Variants in CDH23 observed in about 807,000 individuals in gnomAD.
CDH23 encodes cadherin-23.
Under a neutral mutation model 317.1 loss-of-function variants are expected in CDH23, and 189 were observed. That is an observed-to-expected ratio of 0.60 (90% confidence interval 0.53 to 0.67). CDH23 has a LOEUF of 0.67. Ranked by LOEUF, CDH23 falls within the 30% of genes least tolerant of loss-of-function variation. The pLI, the probability that CDH23 is intolerant of heterozygous loss-of-function variation, is 0.00. For synonymous variants in CDH23, 1,839 were observed against 1,876.8 expected, an observed-to-expected ratio of 0.98 and a Z score of 0.52; for missense variants, 4,401 against 4,592.4, an observed-to-expected ratio of 0.96 and a Z score of 1.20.
chr10:71,580,141 T>TC (rs1858522883), intron 9 of CDH23, among the ~76,000 whole-genome samples: 1 of 152,150 alleles, frequency 6.6e-6, no homozygotes, highest in Non-Finnish European at 1.5e-5. Context: ...TTAGGTCCTC[T>TC]CCAGTCTTCA....
chr10:71,690,700 C>A, intron 20 of CDH23, 116 bp downstream of exon 20: 2 of 691,872 alleles, frequency 2.9e-6, no homozygotes, highest in Non-Finnish European at 2.6e-6. Context: ...TTTGAGCAGA[C>A]CAGCTTTGAG....
At chr10:71,423,144 C>T (rs1373966871) in intron 1 of CDH23, among the ~76,000 whole-genome samples, 1 of 152,146 alleles carries the variant, frequency 6.6e-6, no homozygotes, top group Non-Finnish European at 1.5e-5. Flanking sequence ...TAGGGTCCTC[C>T]AGGAGTTTAA....
chr10:71,707,581 G>A, intron 26 of CDH23: 1 of 983,588 alleles, frequency 1.0e-6, no homozygotes, highest in Non-Finnish European at 1.2e-6. Context: ...ACAGGGGAAA[G>A]TGAGCTGCAA....
At chr10:71,521,451 G>A (rs751136443) in intron 6 of CDH23, among the ~76,000 whole-genome samples, 1 of 152,140 alleles carries the variant, frequency 6.6e-6, no homozygotes, top group African/African-American at 2.4e-5. Context: ...CATCCCATCC[G>A]TGTGAGGCTT....
chr10:71,734,535 G>A (rs1839500957), intron 33 of CDH23, 121 bp from the exon 34 acceptor site: 6 of 1,605,100 alleles, frequency 3.7e-6, no homozygotes, highest in African/African-American at 2.7e-5. Flanking sequence ...CCTCAGGCAG[G>A]TGGAGGGTGG....
At chr10:71,575,088 A>G (rs1041074904) in intron 8 of CDH23, among the ~76,000 whole-genome samples, 1 of 152,172 alleles carries the variant, frequency 6.6e-6, no homozygotes, top group African/African-American at 2.4e-5. Flanking sequence ...GGAACATCGT[A>G]GACACTCCAC....
chr10:71,515,394 T>TCTCTCA (rs1491490493), intron 6 of CDH23, among the ~76,000 whole-genome samples: 26 of 26,702 alleles, frequency 9.7e-4, no homozygotes, highest in African/African-American at 2.1e-3. Context: ...TCTCTCTCTC[T>TCTCTCA]CACACACACA....
At chr10:71,769,536 A>C (rs1326381852) in intron 38 of CDH23, among the ~76,000 whole-genome samples, 1 of 152,376 alleles carries the variant, frequency 6.6e-6, no homozygotes, top group African/African-American at 2.4e-5. Context: ...GAGATCACAA[A>C]GGTGATAAGC....
intron 3 of CDH23, among the ~76,000 whole-genome samples, chr10:71,476,964 G>A (rs912275714): frequency 2.6e-5 from 4 of 152,066 alleles, no homozygotes; most frequent in Admixed American, 6.6e-5. Context: ...GATCCCAGAG[G>A]GAGCCACTCC....
intron 3 of CDH23, among the ~76,000 whole-genome samples, chr10:71,490,250 T>A (rs1047287582): frequency 6.6e-6 from 1 of 152,254 alleles, no homozygotes; most frequent in African/African-American, 2.4e-5. Context: ...AAACACATTT[T>A]ATCTGCTATT....
At position 71,510,976 on chromosome 10, in the gene CDH23, A is replaced by G. The variant is rs372335230; in HGVS notation, c.311A>G (p.Glu104Gly). 2.5e-6 allele frequency: 4 copies of G among 1,613,518 alleles called. No homozygotes were observed. The highest frequency in any genetic ancestry group is 3.4e-6 in the Non-Finnish European group (4 of 1,179,810). Residue 104 changes from glutamate (E) to glycine (G), a missense_variant, in exon 5 of 70, where the codon GAG (glutamate) becomes GGG (glycine). Around this residue, in one of 3 missense-constraint regions of CDH23, gnomAD observed 3,068 missense variants for 3,203.3 expected, o/e 0.96. Coordinates refer to ENST00000224721, the MANE Select transcript of CDH23 (RefSeq NM_022124.6). ...CAGACCAAGTCAGAGTTCACCGTGG[A>G]GTTCTCTGTCAGCGACCACCAGGGG... ...DRETKSEFTV[E>G]FSVSDHQGVI... is the part of the protein sequence containing the mutation.
At chr10:71,605,849 C>T (rs1433022697) in intron 9 of CDH23, among the ~76,000 whole-genome samples, 1 of 152,188 alleles carries the variant, frequency 6.6e-6, no homozygotes, top group Non-Finnish European at 1.5e-5. Flanking sequence ...TTTATGGGCA[C>T]ATTCATGATT....
intron 3 of CDH23, among the ~76,000 whole-genome samples, chr10:71,477,917 G>T (rs1851876252): frequency 6.6e-6 from 1 of 152,028 alleles, no homozygotes; most frequent in Non-Finnish European, 1.5e-5. Flanking sequence ...CTCCTATCAC[G>T]TGCCCGGGCC....
chr10:71,793,350 G>A lies in CDH23; in HGVS notation c.6422G>A (p.Arg2141Lys), dbSNP rs368778687. ...TIDREEQESY[R>K]LTVVATDRGT... The stretch of plus-strand genomic sequence containing the variant: ...GACAGAGAGGAGCAGGAGTCCTACA[G>A]GCTAACGGTGGTGGCCACCGACCGG... Residue 2141 changes from arginine (R) to lysine (K), a missense_variant, in exon 48 of 70, where the codon AGG becomes AAG. Arg to Lys is a conservative substitution (Grantham distance 26, BLOSUM62 2). Around this residue, in one of 3 missense-constraint regions of CDH23, gnomAD observed 3,068 missense variants for 3,203.3 expected, o/e 0.96. Coordinates refer to ENST00000224721, the MANE Select transcript of CDH23 (RefSeq NM_022124.6). 5 of 1,614,000 alleles carry A rather than the reference G, an allele frequency of 3.1e-6. No individual in the cohort carries two copies. The South Asian group carries it at 4.4e-5, about 14-fold the overall frequency.
intron 19 of CDH23, among the ~76,000 whole-genome samples, chr10:71,689,282 G>A (rs895070593): frequency 5.3e-5 from 8 of 152,098 alleles, no homozygotes; most frequent in African/African-American, 1.9e-4. Flanking sequence ...CTTCTAAAGA[G>A]AACCTCTGGG....
rs779602598 is a variant in CDH23 at position 71,793,453 on chromosome 10, C to T, written c.6525C>T (p.Leu2175=). 2 of 1,613,894 alleles carry T rather than the reference C, an allele frequency of 1.2e-6. No individual in the cohort carries two copies. Among genetic ancestry groups the T allele is most frequent in the African/African-American group, 2.7e-5 (2 of 74,930 alleles). ...DDINDSRPEF[L]NPIQTVSVLE... is the part of the protein sequence containing the mutation. ...TCAATGACTCCCGCCCCGAGTTCCT[C>T]AACCCCATCCAGACAGTGAGCGTGC... Residue 2175 remains leucine, a synonymous_variant, in exon 48 of 70, where the codon CTC becomes CTT. Coordinates refer to ENST00000224721, the MANE Select transcript of CDH23 (RefSeq NM_022124.6).
intron 12 of CDH23, among the ~76,000 whole-genome samples, chr10:71,644,312 A>G (rs1314768260): frequency 2.0e-5 from 3 of 152,244 alleles, no homozygotes; most frequent in African/African-American, 4.8e-5. Context: ...TGCCAGTAAC[A>G]GGGCACAGGC....
chr10:71,484,271 G>A (rs1283502210), intron 3 of CDH23, among the ~76,000 whole-genome samples: 2 of 152,322 alleles, frequency 1.3e-5, no homozygotes, highest in Non-Finnish European at 2.9e-5. Context: ...TGGCGAGGTG[G>A]TAGGGACGCA....
At chr10:71,694,098 T>A in intron 20 of CDH23, 49 bp from the exon 21 acceptor site, 7 of 1,391,298 alleles carry the variant, frequency 5.0e-6, no homozygotes, top group African/African-American at 1.4e-5. Context: ...CCTCCCTCTC[T>A]CCCTGGCCCA....
Sources: gnomAD v4.1 joint callset for allele counts (sites outside exome capture counted in the v4.1 genomes callset) on GRCh38, gnomAD v4.1.1 for gene constraint, gnomAD v4.1.1 regional missense constraint, MANE v1.5 for transcripts, NCBI Gene and HGNC (gene_info 2026-07-23, HGNC 2026-07-21) for gene names.